LDB2: variants seen among roughly 807,000 people sequenced by gnomAD.
The protein encoded by LDB2 is LIM domain binding 2.
LDB2 carries 12 observed loss-of-function variants against 44.3 expected under a neutral mutation model. That is an observed-to-expected ratio of 0.27 (90% CI 0.17 to 0.44). The LOEUF is 0.44. Ranked by LOEUF, LDB2 falls within the 20% of genes least tolerant of loss-of-function variation. The pLI, the probability that LDB2 is intolerant of heterozygous loss-of-function variation, is 1.00. For missense variants in LDB2, 344 were observed against 473.5 expected (o/e 0.73, Z 2.54); for synonymous variants, 164 against 174.8 (o/e 0.94, Z 0.49).
At chr4:16,837,025 A>C (rs1377384648) in intron 1 of LDB2, among the ~76,000 whole-genome samples, 1 of 152,220 alleles carries the variant, frequency 6.6e-6, no homozygotes, top group Non-Finnish European at 1.5e-5. Flanking sequence ...TTCTGTTCCC[A>C]AAATGGTTGC....
intron 5 of LDB2, among the ~76,000 whole-genome samples, chr4:16,513,081 G>A (rs1019534184): frequency 6.6e-6 from 1 of 152,132 alleles, no homozygotes; most frequent in Non-Finnish European, 1.5e-5. Context: ...AAAGACATGT[G>A]CAGTCTTCAG....
intron 5 of LDB2, among the ~76,000 whole-genome samples, chr4:16,554,789 G>A (rs1428861975): frequency 6.6e-6 from 1 of 152,204 alleles, no homozygotes; most frequent in Non-Finnish European, 1.5e-5. Context: ...AACAGGCAGA[G>A]CACACAAGAT....
Position 16,501,762 on chromosome 4 carries a change from A to G in LDB2, c.*881T>C, listed in dbSNP as rs1717587532. Reference sequence around the variant, plus strand: ...AAAAGAACCAGGTGAGAGCTTTACAAAATATCATACAAGAAATATACTATA... The same window carrying G: ...AAAAGAACCAGGTGAGAGCTTTACAGAATATCATACAAGAAATATACTATA... On this transcript the variant is annotated 3_prime_UTR_variant, in exon 8 of 8. Coordinates refer to ENST00000304523, the MANE Select transcript of LDB2 (RefSeq NM_001290.5). The G allele has an allele frequency of 6.6e-6, 1 of 152,634 alleles. No individual in the cohort carries two copies. The highest frequency in any genetic ancestry group is 1.5e-5 in the Non-Finnish European group (1 of 68,042). The allele number at this position is 152,634 out of a possible 1,614,324, so 9.5% of individuals were successfully genotyped here.
intron 1 of LDB2, among the ~76,000 whole-genome samples, chr4:16,884,908 C>G (rs943211583): frequency 5.3e-5 from 8 of 150,432 alleles, no homozygotes; most frequent in Non-Finnish European, 1.0e-4. Context: ...ATAAATTATC[C>G]AAGGTCACAC....
intron 1 of LDB2, among the ~76,000 whole-genome samples, chr4:16,873,676 T>C (rs1717437923): frequency 6.6e-6 from 1 of 152,232 alleles, no homozygotes; most frequent in African/African-American, 2.4e-5. Flanking sequence ...ATATTTTTAG[T>C]CTTAAAACTT....
intron 5 of LDB2, among the ~76,000 whole-genome samples, chr4:16,527,997 T>C (rs1728816616): frequency 8.0e-6 from 1 of 124,716 alleles, no homozygotes; most frequent in Non-Finnish European, 1.8e-5. Context: ...TATATATACA[T>C]GTAATATATA....
chr4:16,541,965 CCTT>C (rs1733931733), intron 5 of LDB2, among the ~76,000 whole-genome samples: 3 of 152,174 alleles, frequency 2.0e-5, no homozygotes, highest in South Asian at 2.1e-4. Context: ...TTTTATGCCT[CCTT>C]CTTTTTTTAC....
intron 5 of LDB2, among the ~76,000 whole-genome samples, chr4:16,568,063 C>A (rs1745173982): frequency 6.6e-6 from 1 of 152,048 alleles, no homozygotes; most frequent in African/African-American, 2.4e-5. Context: ...TTAGAGTGAA[C>A]CATATCAAAT....
At chr4:16,754,453 C>T (rs1327080729) in intron 2 of LDB2, among the ~76,000 whole-genome samples, 1 of 151,892 alleles carries the variant, frequency 6.6e-6, no homozygotes, top group African/African-American at 2.4e-5. Flanking sequence ...ATTGATCATT[C>T]TATGCTTCAA....
At chr4:16,847,742 G>A (rs893376246) in intron 1 of LDB2, among the ~76,000 whole-genome samples, 21 of 152,064 alleles carry the variant, frequency 1.4e-4, no homozygotes, top group African/African-American at 4.1e-4. Context: ...TCAGCCTCCC[G>A]AGTAGCTGGG....
chr4:16,622,744 T>C (rs577031295), intron 2 of LDB2, among the ~76,000 whole-genome samples: 40 of 152,220 alleles, frequency 2.6e-4, no homozygotes, highest in Non-Finnish European at 4.8e-4. Flanking sequence ...AAGATGGGAT[T>C]TTATCGCTCT....
chr4:16,679,401 T>G (rs1291257966), intron 2 of LDB2, among the ~76,000 whole-genome samples: 2 of 152,170 alleles, frequency 1.3e-5, no homozygotes, highest in African/African-American at 4.8e-5. Context: ...ATGATAGTGA[T>G]GAGTGCTAAC....
At chr4:16,761,287 T>A (rs764637995) in intron 1 of LDB2, among the ~76,000 whole-genome samples, 5 of 152,172 alleles carry the variant, frequency 3.3e-5, no homozygotes, top group African/African-American at 9.7e-5. Context: ...GACCTACCCA[T>A]CCTTTGCTCT....
At chr4:16,723,392 A>T (rs1478168272) in intron 2 of LDB2, among the ~76,000 whole-genome samples, 1 of 152,070 alleles carries the variant, frequency 6.6e-6, no homozygotes, top group Non-Finnish European at 1.5e-5. Context: ...TTTTAGAACA[A>T]AGCCACTCCC....
intron 2 of LDB2, among the ~76,000 whole-genome samples, chr4:16,669,323 C>T (rs1744135334): frequency 6.6e-6 from 1 of 152,170 alleles, no homozygotes; most frequent in Non-Finnish European, 1.5e-5. Flanking sequence ...CTCCTGGCTG[C>T]TCATTGGTTT....
chr4:16,744,030 G>GA (rs1183663300), intron 2 of LDB2, among the ~76,000 whole-genome samples: 26 of 152,222 alleles, frequency 1.7e-4, no homozygotes, highest in Admixed American at 1.0e-3. Context: ...TTTTGAAGAT[G>GA]ATTCAAAGAA....
At chr4:16,709,531 A>G (rs1755398485) in intron 2 of LDB2, among the ~76,000 whole-genome samples, 1 of 152,212 alleles carries the variant, frequency 6.6e-6, no homozygotes, top group Non-Finnish European at 1.5e-5. Flanking sequence ...CACTCAATGA[A>G]TTAGCTAAGA....
At chr4:16,828,306 C>A (rs1783429831) in intron 1 of LDB2, among the ~76,000 whole-genome samples, 1 of 152,208 alleles carries the variant, frequency 6.6e-6, no homozygotes, top group African/African-American at 2.4e-5. Context: ...TTACTCAAGT[C>A]AAGCGGATGG....
At chr4:16,612,827 A>G (rs1726063800) in intron 2 of LDB2, among the ~76,000 whole-genome samples, 1 of 152,228 alleles carries the variant, frequency 6.6e-6, no homozygotes, top group Non-Finnish European at 1.5e-5. Context: ...GCTGAAAAGG[A>G]GGGATCCCTC....
Sources: allele counts gnomAD v4.1 joint callset (sites outside exome capture counted in the v4.1 genomes callset), GRCh38; gene constraint gnomAD v4.1.1; transcripts MANE v1.5; gene names NCBI Gene and HGNC (gene_info 2026-07-23, HGNC 2026-07-21).